Variants in KCNQ5 observed in about 807,000 individuals in gnomAD.
The protein encoded by KCNQ5 is potassium voltage-gated channel subfamily Q member 5.
In KCNQ5, 30 loss-of-function variants were observed where a neutral mutation model predicts 98.2. The ratio of observed to expected loss-of-function variants is 0.31; its 90% confidence interval spans 0.23 to 0.41. The LOEUF is 0.41. Among genes scored for constraint, KCNQ5 ranks in the 10% least tolerant of loss-of-function variants. The pLI is 1.00. For missense variants in KCNQ5, 835 were observed against 1,182.5 expected (o/e 0.71, Z 4.31); for synonymous variants, 458 against 449.4 (o/e 1.02, Z -0.24).
chr6:72,815,218 G>A (rs560040177), intron 1 of KCNQ5, among the ~76,000 whole-genome samples: 1 of 152,260 alleles, frequency 6.6e-6, no homozygotes, highest in African/African-American at 2.4e-5. Flanking sequence ...TATAACCTCA[G>A]AACCTAACAC....
At chr6:73,157,023 G>T (rs1245622812) in intron 10 of KCNQ5, among the ~76,000 whole-genome samples, 1 of 152,228 alleles carries the variant, frequency 6.6e-6, no homozygotes, top group Admixed American at 6.5e-5. Context: ...GTGCAGGGGC[G>T]AGGCGAGCAG....
chr6:73,021,066 A>G (rs1770583946), intron 2 of KCNQ5, among the ~76,000 whole-genome samples: 1 of 152,010 alleles, frequency 6.6e-6, no homozygotes, highest in Admixed American at 6.6e-5. Context: ...CATCTTGGTA[A>G]TTCCTATCAA....
At position 73,040,156 on chromosome 6, in the gene KCNQ5, CA is replaced by C. The variant is rs146284935; in HGVS notation, c.490-1779del. 8.8e-3 allele frequency among the ~76,000 whole-genome samples: 1,337 copies of C among 152,222 alleles called. 7 individuals are homozygous for C. The highest frequency in any genetic ancestry group is 0.046 in the East Asian group (239 of 5,180). Reference sequence around the variant, plus strand: ...CCTTGGCATACCTAAGAACAATGGGCATATATCTGTCATTTGTTAAGAACAA... The same window carrying C: ...CCTTGGCATACCTAAGAACAATGGGCTATATCTGTCATTTGTTAAGAACAA... On this transcript the variant is annotated intron_variant, in intron 2 of 13. Transcript: ENST00000370398.
intron 10 of KCNQ5, among the ~76,000 whole-genome samples, chr6:73,137,718 A>G (rs1441013130): frequency 1.3e-5 from 2 of 152,176 alleles, no homozygotes; most frequent in Non-Finnish European, 2.9e-5. Context: ...GAGGAAACTA[A>G]GAGTTGAATC....
intron 1 of KCNQ5, among the ~76,000 whole-genome samples, chr6:72,862,579 G>T (rs1037436813): frequency 1.3e-5 from 2 of 152,110 alleles, no homozygotes; most frequent in African/African-American, 4.8e-5. Flanking sequence ...TGTCCAGTGA[G>T]TCCATTAGGC....
At chr6:73,129,161 A>C (rs1776118642) in intron 9 of KCNQ5, among the ~76,000 whole-genome samples, 4 of 152,244 alleles carry the variant, frequency 2.6e-5, no homozygotes, top group African/African-American at 9.6e-5. Context: ...TTTCAAAAAC[A>C]ATCTTTCCAA....
At chr6:73,173,953 CGTATAA>C (rs1283639652) in intron 11 of KCNQ5, among the ~76,000 whole-genome samples, 4 of 152,046 alleles carry the variant, frequency 2.6e-5, no homozygotes, top group Admixed American at 2.6e-4. Flanking sequence ...ACCAATGCAA[CGTATAA>C]GTACTGTGTA....
chr6:73,176,223 T>A (rs576813604), intron 11 of KCNQ5, among the ~76,000 whole-genome samples: 2 of 152,276 alleles, frequency 1.3e-5, no homozygotes, highest in South Asian at 2.1e-4. Flanking sequence ...TGGGAGGTGA[T>A]TGGATCATGG....
chr6:72,863,069 G>A (rs1581919998), intron 1 of KCNQ5, among the ~76,000 whole-genome samples: 1 of 152,188 alleles, frequency 6.6e-6, no homozygotes, highest in African/African-American at 2.4e-5. Flanking sequence ...GCTTATGGCA[G>A]ACTAAATGAC....
At chr6:73,124,461 C>G (rs759746729) in intron 8 of KCNQ5, 25 bp from the exon 9 acceptor site, 7 of 1,612,096 alleles carry the variant, frequency 4.3e-6, no homozygotes, top group Non-Finnish European at 8.5e-7. Context: ...ATCATCATTT[C>G]TCTTCTGCCT....
chr6:72,921,296 AC>A (rs1241189930), intron 1 of KCNQ5, among the ~76,000 whole-genome samples: 1 of 152,218 alleles, frequency 6.6e-6, no homozygotes. Flanking sequence ...AGTTAGGAGA[AC>A]CAGATGTTCA....
At chr6:72,983,909 A>G (rs1007298771) in intron 1 of KCNQ5, among the ~76,000 whole-genome samples, 2 of 151,680 alleles carry the variant, frequency 1.3e-5, no homozygotes, top group Admixed American at 6.6e-5. Context: ...CTGTTTGTTA[A>G]TTTTCCTTCT....
chr6:73,142,867 G>A (rs145149986), intron 10 of KCNQ5, among the ~76,000 whole-genome samples: 7 of 152,266 alleles, frequency 4.6e-5, no homozygotes, highest in African/African-American at 1.4e-4. Flanking sequence ...AGTGAGCTGA[G>A]ATTGCACCCT....
intron 1 of KCNQ5, among the ~76,000 whole-genome samples, chr6:72,913,946 G>A (rs1043106098): frequency 3.9e-5 from 6 of 152,188 alleles, no homozygotes; most frequent in African/African-American, 1.4e-4. Flanking sequence ...AACAAGGCGT[G>A]TTTGTTCAGA....
intron 10 of KCNQ5, among the ~76,000 whole-genome samples, chr6:73,137,246 A>G (rs957661025): frequency 1.3e-5 from 2 of 152,184 alleles, no homozygotes; most frequent in African/African-American, 4.8e-5. Context: ...TTCTCTTGCT[A>G]TAATTTTTAA....
rs534027320 is a variant in KCNQ5 at position 73,140,787 on chromosome 6, T to C, written c.1468+7146T>C. Among the ~76,000 whole-genome samples the C allele has an allele frequency of 7.9e-5, 12 of 152,352 alleles. No homozygotes were observed. The East Asian group carries it at 2.3e-3, about 29-fold the overall frequency. On this transcript the variant is annotated intron_variant, in intron 10 of 13. Coordinates refer to ENST00000370398, the MANE Select transcript of KCNQ5 (RefSeq NM_019842.4). ...GCACTTTCAGTACTTCCTTAACTTA[T>C]TGGTAAAAACCATTACCTGAAGAAA...
At chr6:72,629,557 A>G (rs2098919700) in intron 1 of KCNQ5, among the ~76,000 whole-genome samples, 2 of 152,240 alleles carry the variant, frequency 1.3e-5, no homozygotes, top group African/African-American at 4.8e-5. Context: ...GACTGATACA[A>G]AAAAACACTA....
At chr6:73,009,257 G>C (rs1769952994) in intron 2 of KCNQ5, among the ~76,000 whole-genome samples, 2 of 152,078 alleles carry the variant, frequency 1.3e-5, no homozygotes, top group Admixed American at 6.6e-5. Context: ...CTCCCAAAGT[G>C]CTGGGATTAC....
At chr6:72,709,326 C>T (rs907713963) in intron 1 of KCNQ5, among the ~76,000 whole-genome samples, 1 of 152,120 alleles carries the variant, frequency 6.6e-6, no homozygotes, top group Non-Finnish European at 1.5e-5. Flanking sequence ...CTTGGAATCC[C>T]ATTCATTAGT....
Sources: gnomAD v4.1 joint callset for allele counts (sites outside exome capture counted in the v4.1 genomes callset) on GRCh38, gnomAD v4.1.1 for gene constraint, MANE v1.5 for transcripts, NCBI Gene and HGNC (gene_info 2026-07-23, HGNC 2026-07-21) for gene names.